MIPEP: variants seen among roughly 807,000 people sequenced by gnomAD.
MIPEP encodes mitochondrial intermediate peptidase.
MIPEP carries 79 observed loss-of-function variants against 90.3 expected under a neutral mutation model. The observed-to-expected ratio is 0.87, with a 90% CI of 0.73 to 1.05. MIPEP has a LOEUF of 1.05. MIPEP is among the 50% of genes least tolerant of loss of function. The probability of loss-of-function intolerance (pLI) is 0.00; values close to 1 mark genes in which losing one functional copy is unlikely to be tolerated. For missense variants in MIPEP, 940 were observed against 905.6 expected (o/e 1.04, Z -0.49); for synonymous variants, 334 against 315.8 (o/e 1.06, Z -0.61).
chr13:23,788,483 G>A (rs543292240), intron 16 of MIPEP, among the ~76,000 whole-genome samples: 6 of 152,360 alleles, frequency 3.9e-5, no homozygotes, highest in South Asian at 2.1e-4. Context: ...GGCAGGAGAT[G>A]TGGACAACTG....
At chr13:23,781,442 C>A (rs1952781194) in intron 16 of MIPEP, among the ~76,000 whole-genome samples, 1 of 152,218 alleles carries the variant, frequency 6.6e-6, no homozygotes, top group African/African-American at 2.4e-5. Context: ...CCTACAAGAG[C>A]TCCCAAAGGA....
At chr13:23,820,047 C>T (rs532441384) in intron 14 of MIPEP, among the ~76,000 whole-genome samples, 2 of 151,900 alleles carry the variant, frequency 1.3e-5, no homozygotes, top group African/African-American at 4.8e-5. Context: ...CTTTTCATTC[C>T]AAGTGTTCTA....
intron 5 of MIPEP, among the ~76,000 whole-genome samples, chr13:23,870,786 C>G (rs980745955): frequency 4.6e-5 from 7 of 151,846 alleles, no homozygotes; most frequent in African/African-American, 1.7e-4. Flanking sequence ...GCCTGTGAGA[C>G]AGAGGGAGAC....
intron 16 of MIPEP, among the ~76,000 whole-genome samples, chr13:23,800,260 T>C (rs1157499850): frequency 6.6e-6 from 1 of 152,218 alleles, no homozygotes; most frequent in Non-Finnish European, 1.5e-5. Flanking sequence ...CACGACTGTA[T>C]CTCAACTGTG....
chr13:23,759,244 G>A (rs1952515372), intron 17 of MIPEP, among the ~76,000 whole-genome samples: 1 of 152,078 alleles, frequency 6.6e-6, no homozygotes, highest in Non-Finnish European at 1.5e-5. Flanking sequence ...AAATCAGGGA[G>A]CAAAGGGAAG....
chr13:23,834,331 T>G (rs1868921754), intron 14 of MIPEP, among the ~76,000 whole-genome samples: 1 of 152,194 alleles, frequency 6.6e-6, no homozygotes, highest in African/African-American at 2.4e-5. Context: ...CCCGTGTTTT[T>G]CCCTGTGTAA....
chr13:23,786,152 G>C (rs995179838), intron 16 of MIPEP, among the ~76,000 whole-genome samples: 1 of 151,736 alleles, frequency 6.6e-6, no homozygotes, highest in African/African-American at 2.4e-5. Flanking sequence ...GCTTGAGCCC[G>C]GGATGTCAAG....
rs1870344455 is a variant in MIPEP, at chr13:23,862,316, TCA to T, written c.1037_1038del (p.Leu346GlnfsTer25). 7 of 1,570,258 alleles carry T rather than the reference TCA, an allele frequency of 4.5e-6. No homozygotes were observed. The East Asian group carries it at 1.6e-4, about 35-fold the overall frequency. Reference protein sequence around the residue: ...FEMIRGMKMKLNPQNSEVMPW... With the variant: ...FEMIRGMKMKXNPQNSEVMPW... ...AACATACTTACGGAATTTTGAGGAT[TCA>T]GTTTCATTTTCATCCCTCGTATCAT... On this transcript the variant is annotated frameshift_variant, in exon 9 of 19. Coordinates refer to ENST00000382172, the MANE Select transcript of MIPEP (RefSeq NM_005932.4). LOFTEE classifies it high-confidence loss of function.
At chr13:23,769,484 GA>G (rs1184168490) in intron 16 of MIPEP, among the ~76,000 whole-genome samples, 1 of 152,202 alleles carries the variant, frequency 6.6e-6, no homozygotes, top group African/African-American at 2.4e-5. Context: ...AAGTGATGCA[GA>G]AAGGACAGTA....
chr13:23,789,096 T>C (rs866583054), intron 16 of MIPEP, among the ~76,000 whole-genome samples: 2 of 152,190 alleles, frequency 1.3e-5, no homozygotes, highest in Admixed American at 6.5e-5. Context: ...GTGTGAGCCA[T>C]TGCACCTGGC....
At chr13:23,889,086 T>C in intron 1 of MIPEP, 46 bp downstream of exon 1, 1 of 1,362,132 alleles carries the variant, frequency 7.3e-7, no homozygotes, top group Middle Eastern at 2.8e-4. Flanking sequence ...GGAGCAGGGG[T>C]CGGCTTAGCT....
chr13:23,866,576 C>A (rs900732964), intron 7 of MIPEP, among the ~76,000 whole-genome samples: 1 of 152,136 alleles, frequency 6.6e-6, no homozygotes, highest in African/African-American at 2.4e-5. Flanking sequence ...AGACCTTCTG[C>A]GCGGCCTCCA....
rs559503410 is a variant in MIPEP, at chr13:23,838,471, C to T, written c.1339-715G>A. 5.9e-5 allele frequency among the ~76,000 whole-genome samples: 9 copies of T among 152,222 alleles called. No homozygotes were observed. The South Asian group carries it at 1.0e-3, about 18-fold the overall frequency. ...CCTCTCTTGACTTTTATCACTTGAA[C>T]GAGATGGGATCTAAACTAGTGTAAA... On this transcript the variant is annotated intron_variant, in intron 12 of 18. Coordinates refer to ENST00000382172, the MANE Select transcript of MIPEP (RefSeq NM_005932.4).
chr13:23,872,743 T>G (rs983647451), intron 5 of MIPEP, among the ~76,000 whole-genome samples: 1 of 152,172 alleles, frequency 6.6e-6, no homozygotes, highest in South Asian at 2.1e-4. Flanking sequence ...ATATGTTAGA[T>G]AAAAGCGGCA....
At chr13:23,839,458 T>C (rs1869199834) in intron 12 of MIPEP, among the ~76,000 whole-genome samples, 191 bp downstream of exon 12, 1 of 152,228 alleles carries the variant, frequency 6.6e-6, no homozygotes, top group Non-Finnish European at 1.5e-5. Flanking sequence ...GTGACAAATA[T>C]AGACTGATGT....
intron 14 of MIPEP, among the ~76,000 whole-genome samples, chr13:23,815,208 T>C (rs1953219011): frequency 6.6e-6 from 1 of 152,254 alleles, no homozygotes; most frequent in East Asian, 1.9e-4. Flanking sequence ...ATGTGATCTG[T>C]TTCAGATCTA....
chr13:23,837,873 T>TTA (rs1157120014), intron 12 of MIPEP, 117 bp from the exon 13 acceptor site: 2 of 671,910 alleles, frequency 3.0e-6, no homozygotes, highest in Admixed American at 2.8e-5. Context: ...TTTAACTTAA[T>TTA]TATATTCTTA....
At chr13:23,862,482 C>A in intron 8 of MIPEP, 120 bp from the exon 9 acceptor site, 1 of 596,436 alleles carries the variant, frequency 1.7e-6, no homozygotes, top group Non-Finnish European at 3.0e-6. Context: ...TAGTAGTGCA[C>A]ACATAAATCA....
At chr13:23,855,413 A>T (rs558378764) in intron 10 of MIPEP, among the ~76,000 whole-genome samples, 40 of 152,344 alleles carry the variant, frequency 2.6e-4, no homozygotes, top group African/African-American at 7.9e-4. Context: ...TGAGGTATTT[A>T]ACATAAAAGC....
Sources: gnomAD v4.1 joint callset for allele counts (sites outside exome capture counted in the v4.1 genomes callset) on GRCh38, gnomAD v4.1.1 for gene constraint, MANE v1.5 for transcripts, NCBI Gene and HGNC (gene_info 2026-07-23, HGNC 2026-07-21) for gene names.